Variants in GPHN observed in about 807,000 individuals in gnomAD.
GPHN encodes the protein gephyrin.
Under a neutral mutation model 95.5 loss-of-function variants are expected in GPHN, and 17 were observed. The ratio of observed to expected loss-of-function variants is 0.18; its 90% CI spans 0.12 to 0.27. GPHN has a LOEUF of 0.27. Among genes scored for constraint, GPHN ranks in the 10% least tolerant of loss-of-function variants. The pLI, the probability that GPHN is intolerant of heterozygous loss-of-function variation, is 1.00. For synonymous variants in GPHN, 320 were observed against 322.5 expected, an observed-to-expected ratio of 0.99 and a Z score of 0.08; for missense variants, 660 against 978.1, an observed-to-expected ratio of 0.67 and a Z score of 4.34.
the GPHN span, among the ~76,000 whole-genome samples, chr14:67,482,890 G>C: frequency 6.6e-6 from 1 of 152,156 alleles, no homozygotes; most frequent in East Asian, 1.9e-4. Context: ...CACCTCCCAA[G>C]TCACAGTAAT....
the GPHN span, chr14:67,383,478 GC>G: frequency 2.5e-6 from 4 of 1,608,858 alleles, no homozygotes; most frequent in Non-Finnish European, 2.5e-6. Context: ...GGAACACAGA[GC>G]AGCGCTTCCT....
chr14:66,974,833 G>C (rs964233159), intron 9 of GPHN, among the ~76,000 whole-genome samples: 4 of 152,072 alleles, frequency 2.6e-5, no homozygotes, highest in African/African-American at 9.7e-5. Context: ...GAGTCTGACA[G>C]GCCTGATGAT....
At chr14:67,228,131 C>G in the GPHN span, among the ~76,000 whole-genome samples, 1 of 149,300 alleles carries the variant, frequency 6.7e-6, no homozygotes, top group African/African-American at 2.5e-5. Flanking sequence ...GATTGTGCCA[C>G]TGCACTCCAG....
At chr14:67,534,440 G>T in the GPHN span, among the ~76,000 whole-genome samples, 9 of 152,230 alleles carry the variant, frequency 5.9e-5, no homozygotes, top group African/African-American at 2.2e-4. Context: ...TTAAAAATTA[G>T]CTGGGTGTGG....
chr14:67,613,855 G>T, the GPHN span: 1,396 of 157,436 alleles, frequency 8.9e-3, 18 homozygotes, highest in Middle Eastern at 0.02. Flanking sequence ...CCTTGCTTTG[G>T]GGGATAATGG....
the GPHN span, among the ~76,000 whole-genome samples, chr14:67,374,988 G>T: frequency 6.6e-6 from 1 of 152,192 alleles, no homozygotes; most frequent in Non-Finnish European, 1.5e-5. Flanking sequence ...ATGAACAGGG[G>T]TTTATAAAAT....
intron 2 of GPHN, among the ~76,000 whole-genome samples, chr14:66,696,967 T>C (rs1466324402): frequency 6.6e-6 from 1 of 152,246 alleles, no homozygotes; most frequent in Non-Finnish European, 1.5e-5. Context: ...ATAGTTGAAG[T>C]TTATTTTTCA....
At chr14:66,615,381 T>C (rs1189021396) in intron 1 of GPHN, among the ~76,000 whole-genome samples, 2 of 152,108 alleles carry the variant, frequency 1.3e-5, no homozygotes, top group Non-Finnish European at 2.9e-5. Flanking sequence ...CTATTGTTTC[T>C]TGACTTTTTA....
intron 1 of GPHN, among the ~76,000 whole-genome samples, chr14:66,522,988 G>A (rs996219594): frequency 2.6e-5 from 4 of 151,952 alleles, no homozygotes; most frequent in African/African-American, 7.2e-5. Context: ...ATGGAAAGTT[G>A]AGTAGATGAT....
At chr14:66,806,460 C>A (rs1332432349) in intron 3 of GPHN, among the ~76,000 whole-genome samples, 1 of 152,126 alleles carries the variant, frequency 6.6e-6, no homozygotes, top group Non-Finnish European at 1.5e-5. Context: ...TTTTCTATTT[C>A]TTTTCTATTG....
At chr14:67,497,225 C>A in the GPHN span, among the ~76,000 whole-genome samples, 1 of 152,038 alleles carries the variant, frequency 6.6e-6, no homozygotes, top group East Asian at 1.9e-4. Flanking sequence ...TCTGGGGTCA[C>A]GGGAGGGCAG....
intron 4 of GPHN, among the ~76,000 whole-genome samples, chr14:66,878,361 C>G (rs1360904155): frequency 1.3e-5 from 2 of 152,024 alleles, no homozygotes; most frequent in Non-Finnish European, 2.9e-5. Context: ...CCAAAATTGA[C>G]AAACGGGATC....
chr14:67,505,708 C>T, the GPHN span, among the ~76,000 whole-genome samples: 2 of 99,934 alleles, frequency 2.0e-5, no homozygotes, highest in Non-Finnish European at 4.8e-5. Context: ...GGATAATTTG[C>T]TCTTTTTTTT....
the GPHN span, among the ~76,000 whole-genome samples, chr14:67,367,270 C>T: frequency 1.3e-5 from 2 of 152,180 alleles, no homozygotes; most frequent in South Asian, 2.1e-4. Context: ...CTCACTCTGT[C>T]GCCAGGCTGG....
chr14:67,114,369 T>G (rs2078554061), intron 16 of GPHN, among the ~76,000 whole-genome samples: 1 of 152,120 alleles, frequency 6.6e-6, no homozygotes, highest in Admixed American at 6.5e-5. Flanking sequence ...AACAAGTAAG[T>G]TCATGGAGTT....
intron 3 of GPHN, among the ~76,000 whole-genome samples, chr14:66,817,171 G>A (rs2061004099): frequency 6.6e-6 from 1 of 151,912 alleles, no homozygotes; most frequent in African/African-American, 2.4e-5. Context: ...TCTGATGTCT[G>A]TAACATCAAG....
chr14:66,513,434 G>GC (rs1302438483), intron 1 of GPHN, among the ~76,000 whole-genome samples: 1 of 151,654 alleles, frequency 6.6e-6, no homozygotes, highest in African/African-American at 2.4e-5. Context: ...TTTTAATCTT[G>GC]CTAGTGATAG....
At chr14:67,002,117 T>C (rs1226450934) in intron 9 of GPHN, among the ~76,000 whole-genome samples, 2 of 151,528 alleles carry the variant, frequency 1.3e-5, no homozygotes, top group Non-Finnish European at 3.0e-5. Context: ...TGTAAAGATG[T>C]TGACATTCTA....
intron 5 of GPHN, among the ~76,000 whole-genome samples, chr14:66,902,323 T>G (rs895388979): frequency 1.3e-5 from 2 of 152,114 alleles, no homozygotes; most frequent in Non-Finnish European, 2.9e-5. Context: ...CAAACAAGTC[T>G]ACTTTCACTT....
Sources: gnomAD v4.1 joint callset for allele counts (sites outside exome capture counted in the v4.1 genomes callset) on GRCh38, gnomAD v4.1.1 for gene constraint, MANE v1.5 for transcripts, NCBI Gene and HGNC (gene_info 2026-07-23, HGNC 2026-07-21) for gene names.